Variants in RPS6KA1 observed in about 807,000 individuals in gnomAD.
RPS6KA1 encodes ribosomal protein S6 kinase A1.
A neutral mutation model predicts 91.3 loss-of-function variants in RPS6KA1; 48 were observed. The observed-to-expected ratio is 0.53, with a 90% CI of 0.42 to 0.67. The LOEUF (loss-of-function observed/expected upper bound fraction) is 0.67, where lower values mean the gene tolerates loss of function less well. Ranked by LOEUF, RPS6KA1 falls within the 30% of genes least tolerant of loss-of-function variation. The probability of loss-of-function intolerance (pLI) is 0.00; values close to 1 mark genes in which losing one functional copy is unlikely to be tolerated. For missense variants in RPS6KA1, 719 were observed against 960.5 expected, an observed-to-expected ratio of 0.75 and a Z score of 3.32; for synonymous variants, 359 against 384.7, an observed-to-expected ratio of 0.93 and a Z score of 0.78.
At chr1:26,550,206 C>T (rs1409155244) in intron 4 of RPS6KA1, among the ~76,000 whole-genome samples, 20 of 97,922 alleles carry the variant, frequency 2.0e-4, no homozygotes, top group African/African-American at 7.5e-4. Context: ...TTTTTTGAGG[C>T]AGAGTCTCAC....
chr1:26,543,468 G>A (rs900271952), intron 2 of RPS6KA1, among the ~76,000 whole-genome samples: 15 of 152,186 alleles, frequency 9.9e-5, no homozygotes, highest in African/African-American at 1.4e-4. Context: ...TGCCTGTCCC[G>A]CCAGGAGGTT....
Position 26,560,732 on chromosome 1 carries a change from C to A in RPS6KA1, c.1222C>A (p.His408Asn). ...APLHSVVQQLHGKNLVFSDGY... is the reference protein window; with the variant it reads ...APLHSVVQQLNGKNLVFSDGY... ...AATTTTTGGTCTCCTACAGCAACTC[C>A]ATGGGAAGAACCTGGTTTTTAGTGA... Residue 408 changes from histidine to asparagine, a missense_variant, in exon 15 of 22, where the codon CAT becomes AAT. His to Asn is a moderately conservative substitution (Grantham distance 68). Around this residue, in one of 5 missense-constraint regions of RPS6KA1, gnomAD observed 228 missense variants for 247.6 expected, o/e 0.92. Transcript: ENST00000374168. 6.2e-7 allele frequency: 1 copy of A among 1,614,164 alleles called. No homozygotes were observed. The highest frequency in any genetic ancestry group is 8.5e-7 in the Non-Finnish European group (1 of 1,180,022).
At chr1:26,564,589 A>G (rs1428477351) in intron 17 of RPS6KA1, among the ~76,000 whole-genome samples, 2 of 152,194 alleles carry the variant, frequency 1.3e-5, no homozygotes, top group Non-Finnish European at 2.9e-5. Flanking sequence ...GGCAGGTGGT[A>G]ACCGTCCGAT....
intron 17 of RPS6KA1, among the ~76,000 whole-genome samples, chr1:26,565,926 A>G (rs892910865): frequency 6.6e-6 from 1 of 151,948 alleles, no homozygotes; most frequent in Admixed American, 6.6e-5. Flanking sequence ...ATCCATCCAC[A>G]TTGTTTTGTG....
chr1:26,541,893 G>A (rs914972924), intron 2 of RPS6KA1, among the ~76,000 whole-genome samples: 15 of 152,218 alleles, frequency 9.9e-5, no homozygotes, highest in Non-Finnish European at 1.8e-4. Flanking sequence ...CAGGCCTGGG[G>A]GCTCTGGGCT....
chr1:26,557,385 G>A (rs1357964933), intron 13 of RPS6KA1, among the ~76,000 whole-genome samples: 4 of 152,112 alleles, frequency 2.6e-5, no homozygotes, highest in Non-Finnish European at 2.9e-5. Flanking sequence ...ACCCCTGCCC[G>A]GGGCACCTTC....
Position 26,558,906 on chromosome 1 carries a change from C to T in RPS6KA1, c.1184C>T (p.Ala395Val), listed in dbSNP as rs767072170. 6.2e-7 allele frequency: 1 copy of T among 1,613,610 alleles called. No homozygotes were observed. The highest frequency in any genetic ancestry group is 2.2e-5 in the East Asian group (1 of 44,862). ...GLMEDDGKPR[A>V]PQAPLHSVVQ... ...ATGGAAGACGACGGCAAGCCTCGTGCCCCGCAGGCACCCCTGCACTCGGTG... is the reference window on the plus strand; with the variant it reads ...ATGGAAGACGACGGCAAGCCTCGTGTCCCGCAGGCACCCCTGCACTCGGTG... Residue 395 changes from alanine to valine, a missense_variant, in exon 14 of 22, where the codon GCC becomes GTC. Physicochemically the swap from Ala to Val is moderately conservative, Grantham distance 64. Transcript: ENST00000374168. The surrounding 1 kb of genome is among the most constrained non-coding windows in gnomAD (Gnocchi z 4.0).
At chr1:26,552,931 C>T (rs1246895474) in intron 6 of RPS6KA1, 7 of 330,754 alleles carry the variant, frequency 2.1e-5, no homozygotes, top group South Asian at 1.7e-4. Context: ...TTTAACTTTC[C>T]CATGTTTCTT....
rs753491616 is a variant in RPS6KA1 at position 26,554,496 on chromosome 1, G to A, written c.614-100G>A. ...GCTTCCTCCTGAGTGTCATGGGGGT[G>A]ATGCCTTCTGGCCTCTGGGCACGGG... On this transcript the variant is annotated intron_variant, in intron 8 of 21. Coordinates refer to ENST00000374168, the MANE Select transcript of RPS6KA1 (RefSeq NM_002953.4). This position sits in a 1 kb window ranked among gnomAD's most constrained non-coding sequence, Gnocchi z 4.6. The A allele has an allele frequency of 1.5e-5, 22 of 1,462,214 alleles. No homozygotes were observed. The highest frequency in any genetic ancestry group is 2.0e-5 in the Non-Finnish European group (21 of 1,074,828). The allele number at this position is 1,462,214 out of a possible 1,614,324, so 90.6% of individuals were successfully genotyped here. A position where few individuals can be genotyped will look rare whatever the true frequency, so the allele number is the denominator to read the frequency against.
At chr1:26,532,256 G>A (rs1369663299) in intron 1 of RPS6KA1, among the ~76,000 whole-genome samples, 1 of 152,162 alleles carries the variant, frequency 6.6e-6, no homozygotes, top group African/African-American at 2.4e-5. Context: ...GCCCAGTTCT[G>A]CCACGTACAG....
intron 4 of RPS6KA1, among the ~76,000 whole-genome samples, chr1:26,549,181 A>G (rs2076023595): frequency 6.6e-6 from 1 of 151,006 alleles, no homozygotes; most frequent in Non-Finnish European, 1.5e-5. Flanking sequence ...AATCCAGTAC[A>G]TGGACCAAAA....
intron 21 of RPS6KA1, 43 bp downstream of exon 21, chr1:26,573,404 C>A: frequency 6.2e-7 from 1 of 1,611,780 alleles, no homozygotes; most frequent in Non-Finnish European, 8.5e-7. Context: ...GGGGTCAGCC[C>A]AAGGTGGCAT....
In RPS6KA1 at chr1:26,571,815, C is replaced by T. The variant is rs2076251497; in HGVS notation, c.1753-34C>T. 1 of 1,597,990 alleles carries T rather than the reference C, an allele frequency of 6.3e-7. No homozygotes were observed. Among genetic ancestry groups the T allele is most frequent in the African/African-American group, 1.3e-5 (1 of 74,852 alleles). ...ATCTGTGGCGACTTTCTACTGCCCC[C>T]CCAGACTGACCACCTCCCCTGCCCT... On this transcript the variant is annotated intron_variant, in intron 18 of 21. Coordinates refer to ENST00000374168, the MANE Select transcript of RPS6KA1 (RefSeq NM_002953.4). This position sits in a 1 kb window ranked among gnomAD's most constrained non-coding sequence, Gnocchi z 5.1.
intron 1 of RPS6KA1, chr1:26,531,042 AC>A (rs768614261): frequency 1.4e-4 from 69 of 484,968 alleles, no homozygotes; most frequent in Non-Finnish European, 1.9e-4. Flanking sequence ...GCCCTCTCTT[AC>A]CTAGGGCAGC....
rs1016858139 is a variant in RPS6KA1 at position 26,568,913 on chromosome 1, A to T, written c.1591-2536A>T. Among the ~76,000 whole-genome samples the T allele has an allele frequency of 3.3e-5, 5 of 150,960 alleles. No individual in the cohort carries two copies. In the South Asian group the frequency reaches 1.0e-3, roughly 32 times the overall value. On this transcript the variant is annotated intron_variant, in intron 17 of 21. Coordinates refer to ENST00000374168, the MANE Select transcript of RPS6KA1 (RefSeq NM_002953.4). ...CTACATGCAAGTGAGTTGTCCTCTC[A>T]GGCTGGGCGTAGTGGCTCACACCTG...
At chr1:26,567,281 C>T (rs909689262) in intron 17 of RPS6KA1, among the ~76,000 whole-genome samples, 1 of 152,156 alleles carries the variant, frequency 6.6e-6, no homozygotes, top group Non-Finnish European at 1.5e-5. Flanking sequence ...CCACCTCAGC[C>T]TCCCAAACTG....
Position 26,529,896 on chromosome 1 carries a change from G to A in RPS6KA1, c.-25G>A. ...CGGCGCAGCCGGGGCCGCCGGAGGA[G>A]CGCGGGTGACCTGGCGGCGGCGAGA... On this transcript the variant is annotated 5_prime_UTR_variant, in exon 1 of 22. Coordinates refer to ENST00000374168, the MANE Select transcript of RPS6KA1 (RefSeq NM_002953.4). The surrounding 1 kb of genome is among the most constrained non-coding windows in gnomAD (Gnocchi z 4.2). The A allele has an allele frequency of 7.1e-7, 1 of 1,417,178 alleles. No homozygotes were observed. Among genetic ancestry groups the A allele is most frequent in the Non-Finnish European group, 9.2e-7 (1 of 1,083,912 alleles). The allele number at this position is 1,417,178 out of a possible 1,614,324, so 87.8% of individuals were successfully genotyped here.
At chr1:26,535,572 A>C (rs1357672905) in intron 1 of RPS6KA1, among the ~76,000 whole-genome samples, 1 of 152,128 alleles carries the variant, frequency 6.6e-6, no homozygotes, top group Non-Finnish European at 1.5e-5. Flanking sequence ...ATCACACAGG[A>C]AACAGATGGG....
chr1:26,556,820 G>T (rs146641509), intron 12 of RPS6KA1, 102 bp downstream of exon 12: 1 of 1,416,592 alleles, frequency 7.1e-7, no homozygotes, highest in Non-Finnish European at 1.0e-6. Flanking sequence ...GGCCCCAGAC[G>T]CAGGAGCAGA....
Sources: allele counts gnomAD v4.1 joint callset (sites outside exome capture counted in the v4.1 genomes callset), GRCh38; gene constraint gnomAD v4.1.1; regional missense constraint gnomAD v4.1.1; non-coding constraint Gnocchi (gnomAD v3.1); transcripts MANE v1.5; gene names NCBI Gene and HGNC (gene_info 2026-07-23, HGNC 2026-07-21).